The following DYSF variants were observed in gnomAD, a reference collection of about 807,000 sequenced individuals.
DYSF encodes dystrophy-associated fer-1-like 1.
Under a neutral mutation model 274.9 loss-of-function variants are expected in DYSF, and 212 were observed. The ratio of observed to expected loss-of-function variants is 0.77; its 90% CI spans 0.69 to 0.86. The LOEUF is 0.86. Ranked by LOEUF, DYSF falls within the 40% of genes least tolerant of loss-of-function variation. The pLI is 0.00. For missense variants in DYSF, 2,666 were observed against 2,783.2 expected, an observed-to-expected ratio of 0.96 and a Z score of 0.95; for synonymous variants, 1,091 against 1,078.7, an observed-to-expected ratio of 1.01 and a Z score of -0.22.
intron 26 of DYSF, 60 bp from the exon 27 acceptor site, chr2:71,569,760 T>C: frequency 7.0e-7 from 1 of 1,432,818 alleles, no homozygotes; most frequent in South Asian, 1.2e-5. Context: ...CAGGAGGTGG[T>C]AGATGGATGG....
chr2:71,539,279 T>G (rs771512555), intron 17 of DYSF, 40 bp downstream of exon 17: 1 of 1,571,628 alleles, frequency 6.4e-7, no homozygotes, highest in South Asian at 1.1e-5. Flanking sequence ...CCCCCTGTGC[T>G]CTCCCCCGTA....
chr2:71,602,363 T>G (rs1331670545), intron 35 of DYSF, among the ~76,000 whole-genome samples: 1 of 152,160 alleles, frequency 6.6e-6, no homozygotes, highest in East Asian at 1.9e-4. Context: ...CTCCCTGTCC[T>G]AAGCTCCTGC....
chr2:71,618,865 T>C (rs1364718703), intron 40 of DYSF, among the ~76,000 whole-genome samples: 1 of 151,808 alleles, frequency 6.6e-6, no homozygotes, highest in African/African-American at 2.4e-5. Context: ...GTTTCCTCAC[T>C]CTGTCGGGTG....
chr2:71,656,444 C>T lies in DYSF; in HGVS notation c.4755+154C>T, dbSNP rs189212451. 5.9e-4 allele frequency among the ~76,000 whole-genome samples: 90 copies of T among 152,150 alleles called. No homozygotes were observed. In the East Asian group the frequency reaches 0.01, roughly 17 times the overall value. ...GAGGTGGTGATGGTGATGCCGCTGA[C>T]GCAGAATCTGACTGGTGATGGGATG... On this transcript the variant is annotated intron_variant, in intron 43 of 55. Coordinates refer to ENST00000410020, the MANE Select transcript of DYSF (RefSeq NM_001130987.2).
intron 7 of DYSF, among the ~76,000 whole-genome samples, chr2:71,515,100 T>C (rs2086518724): frequency 6.6e-6 from 1 of 152,232 alleles, no homozygotes; most frequent in South Asian, 2.1e-4. Flanking sequence ...TACCTAATAT[T>C]TGGAAGCATA....
chr2:71,539,353 C>T, intron 17 of DYSF, 114 bp downstream of exon 17: 1 of 912,982 alleles, frequency 1.1e-6, no homozygotes, highest in Non-Finnish European at 1.8e-6. Flanking sequence ...ATTATAAGGC[C>T]TCTGTTGCCC....
intron 17 of DYSF, among the ~76,000 whole-genome samples, chr2:71,548,739 G>A (rs1208798467): frequency 1.3e-5 from 2 of 152,298 alleles, no homozygotes; most frequent in East Asian, 3.9e-4. Flanking sequence ...CCCTGGAAGC[G>A]GCCTGTGTCA....
intron 30 of DYSF, among the ~76,000 whole-genome samples, chr2:71,585,810 A>T (rs1380357670): frequency 6.6e-6 from 1 of 152,048 alleles, no homozygotes; most frequent in African/African-American, 2.4e-5. Context: ...GGACAAGCAG[A>T]TGGGTGCTCG....
chr2:71,522,000 T>C (rs1248707895), intron 12 of DYSF, among the ~76,000 whole-genome samples: 3 of 151,180 alleles, frequency 2.0e-5, no homozygotes, highest in Non-Finnish European at 2.9e-5. Flanking sequence ...CCACCTTCCC[T>C]CCCTTCCTCC....
At chr2:71,648,224 T>C (rs999510275) in intron 42 of DYSF, among the ~76,000 whole-genome samples, 2 of 152,176 alleles carry the variant, frequency 1.3e-5, no homozygotes, top group African/African-American at 4.8e-5. Context: ...ATGAACTTTT[T>C]AGAAATGGGG....
At position 71,485,572 on chromosome 2, in the gene DYSF, C is replaced by T. The variant is rs141464430; in HGVS notation, c.239+3602C>T. ...CTCCTCAGCTGTTTTCAGGCAGGTG[C>T]GATGCCTCAGGGGAGGGAGCACAGG... On this transcript the variant is annotated intron_variant, in intron 3 of 55. Coordinates refer to ENST00000410020, the MANE Select transcript of DYSF (RefSeq NM_001130987.2). Among the ~76,000 whole-genome samples the T allele has an allele frequency of 5.5e-4, 84 of 152,190 alleles. 1 individual carries two copies. In the East Asian group the frequency reaches 9.7e-3, roughly 18 times the overall value.
intron 1 of DYSF, among the ~76,000 whole-genome samples, chr2:71,458,747 G>A (rs1274164898): frequency 1.3e-5 from 2 of 152,184 alleles, no homozygotes; most frequent in East Asian, 3.9e-4. Context: ...TACTGTGGAT[G>A]TGCTGTGCCC....
At chr2:71,586,682 C>T (rs2093077412) in intron 30 of DYSF, among the ~76,000 whole-genome samples, 1 of 152,060 alleles carries the variant, frequency 6.6e-6, no homozygotes, top group African/African-American at 2.4e-5. Flanking sequence ...GTGGTGCTGA[C>T]AGGGGCCCAG....
chr2:71,531,128 GA>G (rs371731160), intron 14 of DYSF, among the ~76,000 whole-genome samples: 6 of 151,122 alleles, frequency 4.0e-5, no homozygotes, highest in East Asian at 1.9e-4. Flanking sequence ...GCAAAAAATT[GA>G]AAAAAATCAG....
At chr2:71,507,084 C>A (rs2085555808) in intron 4 of DYSF, among the ~76,000 whole-genome samples, 1 of 152,070 alleles carries the variant, frequency 6.6e-6, no homozygotes, top group Non-Finnish European at 1.5e-5. Flanking sequence ...CTGTCTGCAT[C>A]CCGGAGAGGG....
chr2:71,611,410 G>T (rs1461860722), intron 37 of DYSF, 55 bp from the exon 38 acceptor site: 4 of 1,614,076 alleles, frequency 2.5e-6, no homozygotes, highest in East Asian at 4.5e-5. Flanking sequence ...CCTGGCCCCA[G>T]CCTTTCCTGG....
rs1451269647 is a variant in DYSF, at chr2:71,682,528, A to G, written c.6174-2A>G. 1 of 1,614,048 alleles carries G rather than the reference A, an allele frequency of 6.2e-7. No individual in the cohort carries two copies. The highest frequency in any genetic ancestry group is 8.5e-7 in the Non-Finnish European group (1 of 1,180,000). On this transcript the variant is annotated splice_acceptor_variant, in intron 54 of 55. Transcript: ENST00000410020. LOFTEE classifies it high-confidence loss of function. Reference sequence around the variant, plus strand: ...AGTTGACCTCCGGGATCTCGCTTCCAGGCGCCCCGACACCTCCTTCCTGTG... The same window carrying G: ...AGTTGACCTCCGGGATCTCGCTTCCGGGCGCCCCGACACCTCCTTCCTGTG...
intron 22 of DYSF, among the ~76,000 whole-genome samples, chr2:71,560,141 AC>A (rs1341875568): frequency 6.6e-6 from 1 of 151,576 alleles, no homozygotes; most frequent in African/African-American, 2.4e-5. Context: ...TTCTTTCCGT[AC>A]CCCCTGCCTT....
intron 34 of DYSF, 86 bp from the exon 35 acceptor site, chr2:71,601,413 C>T: frequency 6.5e-7 from 1 of 1,544,472 alleles, no homozygotes; most frequent in Middle Eastern, 1.7e-4. Flanking sequence ...ACTGTCTGAT[C>T]ACTGACATAG....
Sources: allele counts gnomAD v4.1 joint callset (sites outside exome capture counted in the v4.1 genomes callset), GRCh38; gene constraint gnomAD v4.1.1; transcripts MANE v1.5; gene names NCBI Gene and HGNC (gene_info 2026-07-23, HGNC 2026-07-21).